TMPO: variants seen among roughly 807,000 people sequenced by gnomAD.
The protein encoded by TMPO is thymopoietin.
In TMPO, 22 loss-of-function variants were observed where a neutral mutation model predicts 45.4. That is an observed-to-expected ratio of 0.48 (90% confidence interval 0.35 to 0.69). The LOEUF (loss-of-function observed/expected upper bound fraction) is 0.69, where lower values mean the gene tolerates loss of function less well. Ranked by LOEUF, TMPO falls within the 30% of genes least tolerant of loss-of-function variation. The pLI is 0.01. For missense variants in TMPO, 512 were observed against 548.8 expected (o/e 0.93, Z 0.67); for synonymous variants, 241 against 204.1 (o/e 1.18, Z -1.54).
rs1875722491 is a variant in TMPO at position 98,515,699 on chromosome 12, G to C, written c.-169G>C. On this transcript the variant is annotated 5_prime_UTR_variant, in exon 1 of 9. Transcript: ENST00000556029. ...CGGCTCTGGGGTCTTTTGTGTCCGG[G>C]TCTGGCTTGGCTTTGTGTCCGCGAG... 1 of 1,430,818 alleles carries C rather than the reference G, an allele frequency of 7.0e-7. No individual in the cohort carries two copies. The allele number at this position is 1,430,818 out of a possible 1,614,324, so 88.6% of individuals were successfully genotyped here. A position where few individuals can be genotyped will look rare whatever the true frequency, so the allele number is the denominator to read the frequency against.
rs1878458980 is a variant in TMPO, at chr12:98,550,255, T to G, written c.*2397T>G. On this transcript the variant is annotated 3_prime_UTR_variant, in exon 9 of 9. Transcript: ENST00000556029. ...TAAATGCAAAGCATTTCTTCCTGATTAAATTGTAGATGTAGACTTTACAAT... is the reference window on the plus strand; with the variant it reads ...TAAATGCAAAGCATTTCTTCCTGATGAAATTGTAGATGTAGACTTTACAAT... The G allele has an allele frequency of 1.3e-5, 2 of 152,366 alleles. No individual in the cohort carries two copies. Among genetic ancestry groups the G allele is most frequent in the African/African-American group, 4.8e-5 (2 of 41,592 alleles). 9.4% of individuals were successfully genotyped at this position (152,366 alleles called of 1,614,324 possible).
chr12:98,544,140 T>C, intron 4 of TMPO, 90 bp from the exon 5 acceptor site: 1 of 1,449,748 alleles, frequency 6.9e-7, no homozygotes, highest in Non-Finnish European at 9.6e-7. Flanking sequence ...TGGAGACTTC[T>C]ATTTCATGGC....
At chr12:98,539,900 C>A (rs1289272514) in intron 4 of TMPO, among the ~76,000 whole-genome samples, 1 of 152,164 alleles carries the variant, frequency 6.6e-6, no homozygotes, top group Non-Finnish European at 1.5e-5. Context: ...AAGTGCTATT[C>A]CAGTGACAAT....
In TMPO at chr12:98,539,939, A is replaced by G. The variant is rs1877814147; in HGVS notation, c.663+2367A>G. On this transcript the variant is annotated intron_variant, in intron 4 of 8. Transcript: ENST00000556029. ...AATATCACACCTAATAAAATTAATA[A>G]TTTATTTGTATCTAATTCATGTTTA... Among the ~76,000 whole-genome samples, 2 of 152,226 alleles carry G rather than the reference A, an allele frequency of 1.3e-5. 1 individual carries two copies. The highest frequency in any genetic ancestry group is 1.3e-4 in the Admixed American group (2 of 15,284).
In TMPO at chr12:98,515,709, G is replaced by A. The variant is rs1592923670; in HGVS notation, c.-159G>A. The A allele has an allele frequency of 6.8e-7, 1 of 1,480,040 alleles. No individual in the cohort carries two copies. The highest frequency in any genetic ancestry group is 2.2e-5 in the Admixed American group (1 of 45,152). 91.7% of individuals were successfully genotyped at this position (1,480,040 alleles called of 1,614,324 possible). A position where few individuals can be genotyped will look rare whatever the true frequency, so the allele number is the denominator to read the frequency against. On this transcript the variant is annotated 5_prime_UTR_variant, in exon 1 of 9. Coordinates refer to ENST00000556029, the MANE Select transcript of TMPO (RefSeq NM_001032283.3). The stretch of plus-strand genomic sequence containing the variant: ...GTCTTTTGTGTCCGGGTCTGGCTTG[G>A]CTTTGTGTCCGCGAGTTTTTGTTCC...
intron 1 of TMPO, among the ~76,000 whole-genome samples, chr12:98,524,312 G>A (rs1277782506): frequency 1.3e-5 from 2 of 152,146 alleles, no homozygotes; most frequent in East Asian, 3.9e-4. Context: ...TGTGGCTCAC[G>A]CCTGTAATCC....
intron 4 of TMPO, among the ~76,000 whole-genome samples, chr12:98,542,184 A>T (rs991030403): frequency 6.6e-6 from 1 of 152,238 alleles, no homozygotes; most frequent in Non-Finnish European, 1.5e-5. Context: ...TAATTTCACC[A>T]TTACATTTCT....
chr12:98,542,681 C>T (rs1400284377), intron 4 of TMPO, among the ~76,000 whole-genome samples: 2 of 151,994 alleles, frequency 1.3e-5, no homozygotes, highest in East Asian at 3.9e-4. Flanking sequence ...CATGGCAAAA[C>T]CCTGTCTCTA....
At chr12:98,537,607 T>C (rs569324087) in intron 4 of TMPO, 35 bp downstream of exon 4, 2 of 1,488,232 alleles carry the variant, frequency 1.3e-6, no homozygotes, top group Non-Finnish European at 1.9e-6. Context: ...TGTACAGGTA[T>C]AAATAACCTC....
Position 98,516,065 on chromosome 12 carries a change from C to T in TMPO, c.198C>T (p.Ser66=), listed in dbSNP as rs1875767643. The change falls in exon 1 of 9, where the codon TCC becomes TCT. Residue 66 remains serine, a synonymous_variant. Coordinates refer to ENST00000556029, the MANE Select transcript of TMPO (RefSeq NM_001032283.3). ...GTNSKGPPDF[S]SDEEREPTPV... is the part of the protein sequence containing the mutation. Reference sequence around the variant, plus strand: ...ACAGCAAGGGGCCCCCGGACTTCTCCAGTGACGAAGAGCGCGAGCCCACCC... The same window carrying T: ...ACAGCAAGGGGCCCCCGGACTTCTCTAGTGACGAAGAGCGCGAGCCCACCC... 1 of 1,608,630 alleles carries T rather than the reference C, an allele frequency of 6.2e-7. No homozygotes were observed.
At position 98,544,742 on chromosome 12, in the gene TMPO, C is replaced by G. The variant is rs537277046; in HGVS notation, c.879+205C>G. ...ATGTAAAGAAATCTAATTCATTGTACAAGAAAGTATAAGGATATTTTTTGT... is the reference window on the plus strand; with the variant it reads ...ATGTAAAGAAATCTAATTCATTGTAGAAGAAAGTATAAGGATATTTTTTGT... On this transcript the variant is annotated intron_variant, in intron 6 of 8. Transcript: ENST00000556029. The G allele has an allele frequency of 2.8e-5, 18 of 646,880 alleles. No homozygotes were observed. In the African/African-American group the frequency reaches 2.9e-4, roughly 11 times the overall value. The allele number at this position is 646,880 out of a possible 1,614,324, so 40.1% of individuals were successfully genotyped here.
rs1308552851 is a variant in TMPO, at chr12:98,544,467, T to C, written c.809T>C (p.Ile270Thr). 6 of 1,613,832 alleles carry C rather than the reference T, an allele frequency of 3.7e-6. No individual in the cohort carries two copies. In the Admixed American group the frequency reaches 1.0e-4, roughly 27 times the overall value. Residue 270 changes from isoleucine (I) to threonine (T), a missense_variant, in exon 6 of 9, where the codon ATA (isoleucine) becomes ACA (threonine). By Grantham distance (89) the Ile-to-Thr change is moderately conservative (BLOSUM62 -1). This residue lies in a region of TMPO where 209 missense variants were observed against 235.1 expected (regional missense o/e 0.89). Transcript: ENST00000556029. ...GTGGAAACTTCAGAACATTTTCGTA[T>C]AGATGGTCCAGTAATTTCAGAGAGT... ...KRVETSEHFR[I>T]DGPVISESTP...
At chr12:98,516,272 G>T (rs1875805686) in intron 1 of TMPO, 126 bp downstream of exon 1, 2 of 1,251,038 alleles carry the variant, frequency 1.6e-6, no homozygotes, top group Admixed American at 4.3e-5. Flanking sequence ...CTGTCCCTGC[G>T]CCCCCTCGCG....
At chr12:98,534,601 T>C (rs1877457468) in intron 3 of TMPO, 1 of 1,245,770 alleles carries the variant, frequency 8.0e-7, no homozygotes, top group East Asian at 4.3e-5. Context: ...GTTTTCTGTT[T>C]CCTGCTTTAC....
At chr12:98,534,335 AAC>A in intron 3 of TMPO, 1 of 1,612,032 alleles carries the variant, frequency 6.2e-7, no homozygotes, top group Non-Finnish European at 8.5e-7. Flanking sequence ...CGTGGAAATA[AAC>A]ACTAGTAAAA....
rs906443311 is a variant in TMPO, at chr12:98,515,825, C to T, written c.-43C>T. 7.6e-6 allele frequency: 12 copies of T among 1,584,262 alleles called. No individual in the cohort carries two copies. Among genetic ancestry groups the T allele is most frequent in the Admixed American group, 1.8e-5 (1 of 55,352 alleles). Reference sequence around the variant, plus strand: ...GGAGCAAGCGCGCCGGCGTGAGCGGCGGCGGCAAAGGCTGTGGGGAGGGGG... The same window carrying T: ...GGAGCAAGCGCGCCGGCGTGAGCGGTGGCGGCAAAGGCTGTGGGGAGGGGG... On this transcript the variant is annotated 5_prime_UTR_variant, in exon 1 of 9. Transcript: ENST00000556029.
rs1447137677 is a variant in TMPO at position 98,534,877 on chromosome 12, G to A, written c.566-2598G>A. 3 of 987,432 alleles carry A rather than the reference G, an allele frequency of 3.0e-6. No individual in the cohort carries two copies. The African/African-American group carries it at 5.2e-5, about 17-fold the overall frequency. 61.2% of individuals were successfully genotyped at this position (987,432 alleles called of 1,614,324 possible). On this transcript the variant is annotated intron_variant, in intron 3 of 8. Transcript: ENST00000556029. ...CTGCAACATCAATCATAGTAGTCTAGATCAATGCAACTCAAAGCACCAGTC... is the reference window on the plus strand; with the variant it reads ...CTGCAACATCAATCATAGTAGTCTAAATCAATGCAACTCAAAGCACCAGTC...
chr12:98,528,317 C>T (rs2121175728), intron 2 of TMPO, among the ~76,000 whole-genome samples: 1 of 150,508 alleles, frequency 6.6e-6, no homozygotes, highest in East Asian at 2.0e-4. Flanking sequence ...TGCTCTGTCG[C>T]CCAGGCTGTA....
chr12:98,531,948 T>G, intron 3 of TMPO, 110 bp downstream of exon 3: 1 of 856,586 alleles, frequency 1.2e-6, no homozygotes, highest in Non-Finnish European at 1.8e-6. Flanking sequence ...TACACAAATT[T>G]TATTCGTGTC....
Sources: allele counts gnomAD v4.1 joint callset (sites outside exome capture counted in the v4.1 genomes callset), GRCh38; gene constraint gnomAD v4.1.1; regional missense constraint gnomAD v4.1.1; transcripts MANE v1.5; gene names NCBI Gene and HGNC (gene_info 2026-07-23, HGNC 2026-07-21).